TIMM23B: variants seen among roughly 807,000 people sequenced by gnomAD.
TIMM23B encodes the protein translocase of inner mitochondrial membrane 23 homolog B, also known as mitochondrial import inner membrane translocase subunit Tim23B.
Under a neutral mutation model 27.3 loss-of-function variants are expected in TIMM23B, and 27 were observed. That is an observed-to-expected ratio of 0.99 (90% CI 0.73 to 1.36). TIMM23B has a LOEUF of 1.36. TIMM23B is among the 40% of genes most tolerant of loss of function. The pLI is 0.00. For missense variants in TIMM23B, 205 were observed against 244.2 expected (o/e 0.84, Z 1.07); for synonymous variants, 73 against 92.4 (o/e 0.79, Z 1.21).
At chr10:49,943,923 A>G (rs1839269824) in intron 1 of TIMM23B, among the ~76,000 whole-genome samples, 1 of 152,182 alleles carries the variant, frequency 6.6e-6, no homozygotes, top group Admixed American at 6.5e-5. Context: ...ATTAGGGAAA[A>G]CATCTCAAGG....
chr10:49,970,826 G>A (rs1314794023), intron 6 of TIMM23B, among the ~76,000 whole-genome samples: 1 of 152,248 alleles, frequency 6.6e-6, no homozygotes, highest in Admixed American at 6.5e-5. Flanking sequence ...CATCTGGGAG[G>A]TGTACCCAAC....
chr10:49,971,134 C>T (rs1423554867), intron 6 of TIMM23B, among the ~76,000 whole-genome samples: 5 of 152,126 alleles, frequency 3.3e-5, no homozygotes, highest in Non-Finnish European at 7.4e-5. Flanking sequence ...AGGCAGCATG[C>T]TCCTTGAGAG....
chr10:49,960,747 GGGAA>G (rs1839869447), intron 6 of TIMM23B, among the ~76,000 whole-genome samples: 4 of 152,084 alleles, frequency 2.6e-5, no homozygotes, highest in Non-Finnish European at 5.9e-5. Flanking sequence ...TTCTAGAAAA[GGGAA>G]AGAAGTAATA....
chr10:49,960,392 T>C (rs1254476168), intron 6 of TIMM23B, among the ~76,000 whole-genome samples: 2 of 148,976 alleles, frequency 1.3e-5, no homozygotes, highest in African/African-American at 2.4e-5. Context: ...TTTTAAATAA[T>C]ATTATTATCT....
At position 49,973,614 on chromosome 10, in the gene TIMM23B, C is replaced by T. The variant is rs577595421; in HGVS notation, c.*550C>T. On this transcript the variant is annotated 3_prime_UTR_variant, in exon 7 of 7. Transcript: ENST00000651259. ...ATCACGTGACCCCAGTAGTTTGAGG[C>T]TGCAGTGAGCTATGATCCTAACACT... The T allele has an allele frequency of 2.0e-5, 3 of 152,274 alleles. No individual in the cohort carries two copies. The highest frequency in any genetic ancestry group is 7.3e-5 in the African/African-American group (3 of 41,052). 9.4% of individuals were successfully genotyped at this position (152,274 alleles called of 1,614,324 possible). A position where few individuals can be genotyped will look rare whatever the true frequency, so the allele number is the denominator to read the frequency against.
intron 1 of TIMM23B, 48 bp downstream of exon 1, chr10:49,942,348 T>C (rs61847110): frequency 1.1e-5 from 17 of 1,572,950 alleles, no homozygotes; most frequent in East Asian, 4.7e-5. Context: ...GTTCTTGCGT[T>C]TACACTAAAG....
At chr10:49,954,415 G>C (rs1449581770) in intron 4 of TIMM23B, 1 of 308,286 alleles carries the variant, frequency 3.2e-6, no homozygotes, top group Non-Finnish European at 6.4e-6. Context: ...AGCAGACACA[G>C]GGTGCTTTCC....
intron 6 of TIMM23B, among the ~76,000 whole-genome samples, chr10:49,965,511 C>T (rs1589046966): frequency 1.4e-5 from 2 of 142,078 alleles, no homozygotes; most frequent in Non-Finnish European, 3.0e-5. Context: ...GTCTCTGTCT[C>T]GAAATGAAAT....
intron 6 of TIMM23B, among the ~76,000 whole-genome samples, chr10:49,968,322 A>G (rs1448374639): frequency 2.6e-5 from 4 of 152,282 alleles, no homozygotes; most frequent in African/African-American, 9.6e-5. Context: ...TTACTCTCAG[A>G]TAGCTCAGAA....
chr10:49,965,787 C>T (rs190905832), intron 6 of TIMM23B, among the ~76,000 whole-genome samples: 4 of 142,912 alleles, frequency 2.8e-5, no homozygotes, highest in Admixed American at 6.9e-5. Context: ...GGTAATGGAG[C>T]GAGTCTCCAT....
intron 5 of TIMM23B, among the ~76,000 whole-genome samples, chr10:49,956,749 A>C (rs1839739482): frequency 6.8e-6 from 1 of 147,272 alleles, no homozygotes; most frequent in African/African-American, 2.4e-5. Context: ...AGATGGTACA[A>C]ATGCTCTTGA....
At chr10:49,947,265 TAA>T (rs1363039490) in intron 2 of TIMM23B, among the ~76,000 whole-genome samples, 1 of 152,236 alleles carries the variant, frequency 6.6e-6, no homozygotes, top group Non-Finnish European at 1.5e-5. Context: ...AGAAAGTTGA[TAA>T]ATTGTATTTA....
At chr10:49,955,841 C>G (rs1447583674) in intron 5 of TIMM23B, among the ~76,000 whole-genome samples, 4 of 152,128 alleles carry the variant, frequency 2.6e-5, no homozygotes, top group Non-Finnish European at 5.9e-5. Flanking sequence ...CACTGTAAAG[C>G]CAGTTTTCAC....
At chr10:49,956,847 T>C (rs2133074822) in intron 5 of TIMM23B, among the ~76,000 whole-genome samples, 1 of 148,064 alleles carries the variant, frequency 6.8e-6, no homozygotes, top group Non-Finnish European at 1.5e-5. Flanking sequence ...TTTTTCTAAA[T>C]ATAATTGCCA....
intron 6 of TIMM23B, among the ~76,000 whole-genome samples, chr10:49,968,706 G>A (rs549294340): frequency 6.6e-6 from 1 of 152,124 alleles, no homozygotes; most frequent in South Asian, 2.1e-4. Flanking sequence ...ATGGTGGTGG[G>A]TGCCTGTAGT....
At chr10:49,945,645 A>G (rs1839331615) in intron 2 of TIMM23B, among the ~76,000 whole-genome samples, 2 of 152,174 alleles carry the variant, frequency 1.3e-5, no homozygotes, top group African/African-American at 4.8e-5. Flanking sequence ...TCAGTTTACA[A>G]TATCAGGGTT....
At chr10:49,971,198 C>T (rs1457759637) in intron 6 of TIMM23B, among the ~76,000 whole-genome samples, 1 of 151,924 alleles carries the variant, frequency 6.6e-6, no homozygotes, top group Non-Finnish European at 1.5e-5. Context: ...TGCGGAAGGC[C>T]GCAGGGTCCT....
chr10:49,945,243 T>C (rs1325294904), intron 2 of TIMM23B, among the ~76,000 whole-genome samples, 153 bp downstream of exon 2: 14 of 152,132 alleles, frequency 9.2e-5, no homozygotes, highest in African/African-American at 3.1e-4. Context: ...ACCAGGAGCT[T>C]GGCCTGCATC....
At chr10:49,972,092 T>G (rs1401871070) in intron 6 of TIMM23B, among the ~76,000 whole-genome samples, 1 of 152,210 alleles carries the variant, frequency 6.6e-6, no homozygotes, top group African/African-American at 2.4e-5. Flanking sequence ...TTTAAAAAAT[T>G]ACACATATGT....
Sources: allele counts gnomAD v4.1 joint callset (sites outside exome capture counted in the v4.1 genomes callset), GRCh38; gene constraint gnomAD v4.1.1; transcripts MANE v1.5; gene names NCBI Gene and HGNC (gene_info 2026-07-23, HGNC 2026-07-21).